Variants in ACSF2 observed in about 807,000 individuals in gnomAD.
ACSF2 encodes medium-chain acyl-CoA ligase ACSF2, mitochondrial.
ACSF2 carries 52 observed loss-of-function variants against 79.3 expected under a neutral mutation model. That is an observed-to-expected ratio of 0.66 (90% CI 0.53 to 0.83). The LOEUF (loss-of-function observed/expected upper bound fraction) is 0.83. Ranked by LOEUF, ACSF2 falls within the 40% of genes least tolerant of loss-of-function variation. The probability of loss-of-function intolerance (pLI) is 0.00; values close to 1 mark genes in which losing one functional copy is unlikely to be tolerated. For missense variants in ACSF2, 661 were observed against 803.3 expected (o/e 0.82, Z 2.14); for synonymous variants, 283 against 312.6 (o/e 0.91, Z 1.00).
Position 50,463,809 on chromosome 17 carries a change from C to T in ACSF2, c.1047-9C>T. The stretch of plus-strand genomic sequence containing the variant: ...TCCAAGCCTAATTTCGAGACCTCCT[C>T]CTATACAGAGGCACCTTCCTGTATG... On this transcript the variant is annotated splice_polypyrimidine_tract_variant and intron_variant, in intron 8 of 15. Coordinates refer to ENST00000300441, the MANE Select transcript of ACSF2 (RefSeq NM_025149.6). This position sits in a 1 kb window ranked among gnomAD's most constrained non-coding sequence, Gnocchi z 4.6. 1.2e-6 allele frequency: 2 copies of T among 1,613,500 alleles called. No individual in the cohort carries two copies. The highest frequency in any genetic ancestry group is 1.7e-5 in the Admixed American group (1 of 60,026).
intron 1 of ACSF2, among the ~76,000 whole-genome samples, chr17:50,446,832 C>T (rs930343906): frequency 8.5e-5 from 13 of 152,280 alleles, no homozygotes; most frequent in Non-Finnish European, 1.2e-4. Context: ...AATCATAGTT[C>T]CTTTGCTCTC....
rs973265156 is a variant in ACSF2 at position 50,426,516 on chromosome 17, C to T, written c.128+127C>T. The T allele has an allele frequency of 6.0e-5, 68 of 1,139,556 alleles. 1 individual carries two copies. In the Admixed American group the frequency reaches 2.5e-3, roughly 42 times the overall value. The allele number at this position is 1,139,556 out of a possible 1,614,324, so 70.6% of individuals were successfully genotyped here. On this transcript the variant is annotated intron_variant, in intron 1 of 15. Transcript: ENST00000300441. ...CTGGGGGGAAGGTACCCGCCCCTCC[C>T]CCGCCCCCCGCCAGCACCTAGGCAA...
rs1222502019 is a variant in ACSF2 at position 50,474,328 on chromosome 17, A to G, written c.1797+61A>G. The G allele has an allele frequency of 6.3e-7, 1 of 1,580,684 alleles. No homozygotes were observed. Among genetic ancestry groups the G allele is most frequent in the Non-Finnish European group, 8.7e-7 (1 of 1,151,786 alleles). On this transcript the variant is annotated intron_variant, in intron 15 of 15. Transcript: ENST00000300441. This position sits in a 1 kb window ranked among gnomAD's most constrained non-coding sequence, Gnocchi z 4.2. ...GGGCTCTGGGGCCCCATAGGGCCCCACCTCTGTTTCCTTCAGCAATGGGTG... is the reference window on the plus strand; with the variant it reads ...GGGCTCTGGGGCCCCATAGGGCCCCGCCTCTGTTTCCTTCAGCAATGGGTG...
At chr17:50,452,612 C>A (rs2031746562) in intron 1 of ACSF2, among the ~76,000 whole-genome samples, 1 of 152,050 alleles carries the variant, frequency 6.6e-6, no homozygotes, top group African/African-American at 2.4e-5. Context: ...CAGCAAACCA[C>A]CATGGCAAAC....
chr17:50,462,078 CAGAAGCG>C (rs2143709609), intron 4 of ACSF2, 99 bp from the exon 5 acceptor site: 2 of 894,136 alleles, frequency 2.2e-6, no homozygotes, highest in Non-Finnish European at 3.5e-6. Flanking sequence ...GTGTGTGTGT[CAGAAGCG>C]GGTGCATCTG....
intron 10 of ACSF2, chr17:50,468,571 G>C (rs780250319): frequency 6.2e-7 from 1 of 1,614,218 alleles, no homozygotes; most frequent in Non-Finnish European, 8.5e-7. Context: ...AGTGCTGCAG[G>C]TGCAATGACA....
chr17:50,434,931 C>T (rs911336341), intron 1 of ACSF2, among the ~76,000 whole-genome samples: 7 of 151,780 alleles, frequency 4.6e-5, no homozygotes, highest in African/African-American at 9.7e-5. Context: ...AGTGCAATGG[C>T]GCAATCTTGG....
intron 1 of ACSF2, among the ~76,000 whole-genome samples, chr17:50,435,711 C>G (rs1045670963): frequency 6.6e-6 from 1 of 152,050 alleles, no homozygotes; most frequent in Non-Finnish European, 1.5e-5. Context: ...GCCACTATGC[C>G]CAGCCCATAT....
intron 1 of ACSF2, 125 bp downstream of exon 1, chr17:50,426,514 C>T (rs1598380910): frequency 8.0e-6 from 9 of 1,124,216 alleles, no homozygotes; most frequent in Non-Finnish European, 1.0e-5. Context: ...ACCCGCCCCT[C>T]CCCCGCCCCC....
At chr17:50,435,497 A>ACCTCCTGGGCTCAAGTGAT (rs1483007560) in intron 1 of ACSF2, among the ~76,000 whole-genome samples, 17 of 151,048 alleles carry the variant, frequency 1.1e-4, no homozygotes, top group African/African-American at 4.1e-4. Flanking sequence ...TGCAGCCTCA[A>ACCTCCTGGGCTCAAGTGAT]CCTCCTGGGC....
At chr17:50,467,647 A>C (rs1277350429) in intron 10 of ACSF2, among the ~76,000 whole-genome samples, 1 of 152,150 alleles carries the variant, frequency 6.6e-6, no homozygotes, top group African/African-American at 2.4e-5. Context: ...TCAATAAACA[A>C]ACCTTCCTTT....
chr17:50,447,591 C>T (rs561193624), intron 1 of ACSF2, among the ~76,000 whole-genome samples: 3 of 151,964 alleles, frequency 2.0e-5, no homozygotes, highest in South Asian at 2.1e-4. Flanking sequence ...TATGATTTCA[C>T]GAGTCACACA....
At chr17:50,446,283 TATGA>T (rs1277604005) in intron 1 of ACSF2, among the ~76,000 whole-genome samples, 2 of 151,982 alleles carry the variant, frequency 1.3e-5, no homozygotes, top group Non-Finnish European at 2.9e-5. Context: ...TGTTGAAATA[TATGA>T]CAGATTCAGA....
In ACSF2 at chr17:50,472,475, G is replaced by A. The variant is rs139598111; in HGVS notation, c.1371G>A (p.Thr457=). The A allele has an allele frequency of 5.6e-6, 9 of 1,612,884 alleles. No homozygotes were observed. The African/African-American group carries it at 9.4e-5, about 17-fold the overall frequency. Residue 457 remains threonine, a synonymous_variant, in exon 12 of 16, where the codon ACG becomes ACA. Coordinates refer to ENST00000300441, the MANE Select transcript of ACSF2 (RefSeq NM_025149.6). ...CAGGGACGCTGGCAAAGCTGAACAC[G>A]CCCGGGGAGCTGTGCATCCGAGGGT... ...MEAGTLAKLN[T]PGELCIRGYC...
At chr17:50,467,894 G>A (rs1216256567) in intron 10 of ACSF2, 3 of 724,248 alleles carry the variant, frequency 4.1e-6, no homozygotes, top group African/African-American at 1.8e-5. Flanking sequence ...AGGCGAGGAA[G>A]GGAGGTGGCA....
intron 1 of ACSF2, among the ~76,000 whole-genome samples, chr17:50,449,715 CTTCAT>C (rs2031550001): frequency 6.6e-6 from 1 of 152,112 alleles, no homozygotes; most frequent in Admixed American, 6.6e-5. Flanking sequence ...CTCCTGGCTA[CTTCAT>C]TTCCTTTTTA....
chr17:50,472,699 A>G, intron 12 of ACSF2, 120 bp downstream of exon 12: 1 of 1,237,556 alleles, frequency 8.1e-7, no homozygotes, highest in Non-Finnish European at 1.1e-6. Context: ...GACCCCTCAC[A>G]TGCTGGAGTC....
Position 50,429,270 on chromosome 17 carries a change from C to G in ACSF2, c.128+2881C>G, listed in dbSNP as rs183444615. 2.0e-5 allele frequency among the ~76,000 whole-genome samples: 3 copies of G among 152,324 alleles called. No homozygotes were observed. The East Asian group carries it at 5.8e-4, about 29-fold the overall frequency. ...GGCTGATGAATAAAACAAGCTTGCTCTTGTTCTCAGCCTTTCCTTTGAGGC... is the reference window on the plus strand; with the variant it reads ...GGCTGATGAATAAAACAAGCTTGCTGTTGTTCTCAGCCTTTCCTTTGAGGC... On this transcript the variant is annotated intron_variant, in intron 1 of 15. Coordinates refer to ENST00000300441, the MANE Select transcript of ACSF2 (RefSeq NM_025149.6).
At chr17:50,433,652 T>A (rs1004599236) in intron 1 of ACSF2, among the ~76,000 whole-genome samples, 7 of 152,080 alleles carry the variant, frequency 4.6e-5, no homozygotes, top group African/African-American at 1.7e-4. Flanking sequence ...TTCAGGCTAC[T>A]CTGTCACCTG....
Sources: gnomAD v4.1 joint callset for allele counts (sites outside exome capture counted in the v4.1 genomes callset) on GRCh38, gnomAD v4.1.1 for gene constraint, Gnocchi (gnomAD v3.1) non-coding constraint, MANE v1.5 for transcripts, NCBI Gene and HGNC (gene_info 2026-07-23, HGNC 2026-07-21) for gene names.